Variants in KCNAB1 observed in about 807,000 individuals in gnomAD.
The protein encoded by KCNAB1 is voltage-gated potassium channel subunit beta-1.
In KCNAB1, 35 loss-of-function variants were observed where a neutral mutation model predicts 64.6. The observed-to-expected ratio is 0.54, with a 90% confidence interval of 0.41 to 0.72. KCNAB1 has a LOEUF of 0.72. KCNAB1 is among the 30% of genes least tolerant of loss of function. KCNAB1 has a pLI of 0.00. For missense variants in KCNAB1, 401 were observed against 512.9 expected (o/e 0.78, Z 2.11); for synonymous variants, 177 against 183.8 (o/e 0.96, Z 0.30).
At position 156,524,746 on chromosome 3, in the gene KCNAB1, C is replaced by CAAAAA. The variant is rs10553136; in HGVS notation, c.1081+825_1081+829dup. 9.7e-4 allele frequency among the ~76,000 whole-genome samples: 72 copies of CAAAAA among 74,458 alleles called. 1 individual carries two copies. Among genetic ancestry groups the CAAAAA allele is most frequent in the Non-Finnish European group, 1.2e-3 (54 of 44,206 alleles). 48.8% of individuals were successfully genotyped at this position (74,458 alleles called of 152,430 possible). On this transcript the variant is annotated intron_variant, in intron 12 of 13. Transcript: ENST00000490337. The stretch of plus-strand genomic sequence containing the variant: ...TGCGTGACAGAGCAAGACTCCATCT[C>CAAAAA]AAAAAAAAAAAAAAAAAAAAAAAAA...
chr3:156,430,052 C>A (rs572448366), intron 2 of KCNAB1, among the ~76,000 whole-genome samples: 6 of 152,324 alleles, frequency 3.9e-5, no homozygotes, highest in African/African-American at 1.2e-4. Context: ...TAGTTTCCTA[C>A]TTTTATGGAT....
intron 12 of KCNAB1, 36 bp downstream of exon 12, chr3:156,523,983 A>T (rs771820427): frequency 6.3e-7 from 1 of 1,595,536 alleles, no homozygotes; most frequent in South Asian, 1.1e-5. Context: ...TGGTAGAGGG[A>T]CTTCTGCTGA....
chr3:156,144,386 C>T (rs1238973071), intron 1 of KCNAB1, among the ~76,000 whole-genome samples: 1 of 152,184 alleles, frequency 6.6e-6, no homozygotes. Context: ...TAATTATATT[C>T]ATAAAGCAAT....
intron 1 of KCNAB1, among the ~76,000 whole-genome samples, chr3:156,157,056 AAGAG>A (rs1290096844): frequency 1.3e-5 from 2 of 152,182 alleles, no homozygotes; most frequent in African/African-American, 2.4e-5. Context: ...GATCAAACAA[AAGAG>A]AGAAAGATCA....
intron 1 of KCNAB1, among the ~76,000 whole-genome samples, chr3:156,148,503 T>C (rs1049583226): frequency 6.6e-6 from 1 of 152,240 alleles, no homozygotes; most frequent in African/African-American, 2.4e-5. Context: ...CCATCTTTTC[T>C]CCTGTATCTT....
intron 4 of KCNAB1, among the ~76,000 whole-genome samples, chr3:156,457,801 T>C (rs957710440): frequency 6.6e-6 from 1 of 152,174 alleles, no homozygotes; most frequent in Non-Finnish European, 1.5e-5. Flanking sequence ...GCCATGTCTA[T>C]GTGAGGGGCA....
intron 1 of KCNAB1, among the ~76,000 whole-genome samples, chr3:156,290,192 A>G (rs2107965982): frequency 6.6e-6 from 1 of 152,330 alleles, no homozygotes; most frequent in East Asian, 1.9e-4. Flanking sequence ...ATGCCTTCCA[A>G]CATTGTTAGT....
intron 1 of KCNAB1, among the ~76,000 whole-genome samples, chr3:156,159,076 C>G (rs34707206): frequency 0.058 from 8,853 of 151,442 alleles, 377 homozygotes; most frequent in Middle Eastern, 0.1. Context: ...TGTCCGCCCC[C>G]CCCTGTAATA....
rs138692885 is a variant in KCNAB1 at position 156,416,215 on chromosome 3, T to A, written c.276-5401T>A. On this transcript the variant is annotated intron_variant, in intron 1 of 13. Coordinates refer to ENST00000490337, the MANE Select transcript of KCNAB1 (RefSeq NM_172160.3). ...TCTTCTTACCTTCCTTCAACCCATT[T>A]TCCCTGCTAACATCTTCCATTACTC... 8.7e-4 allele frequency among the ~76,000 whole-genome samples: 132 copies of A among 152,332 alleles called. 2 individuals are homozygous for A. The highest frequency in any genetic ancestry group is 6.8e-3 in the Middle Eastern group (2 of 294).
chr3:156,487,782 TAAAC>T (rs1388665246), intron 8 of KCNAB1, among the ~76,000 whole-genome samples: 1 of 152,100 alleles, frequency 6.6e-6, no homozygotes, highest in Non-Finnish European at 1.5e-5. Flanking sequence ...GTTTGGTAAT[TAAAC>T]AAACCCAATA....
chr3:156,243,978 C>A (rs1434804978), intron 1 of KCNAB1, among the ~76,000 whole-genome samples: 1 of 152,204 alleles, frequency 6.6e-6, no homozygotes, highest in Non-Finnish European at 1.5e-5. Flanking sequence ...CCTGCCATAA[C>A]CTCCTCACCC....
chr3:156,290,098 A>G (rs1012792574), intron 1 of KCNAB1, among the ~76,000 whole-genome samples: 1 of 152,152 alleles, frequency 6.6e-6, no homozygotes, highest in Non-Finnish European at 1.5e-5. Context: ...AAGTGTGGGG[A>G]ATGAATCAAA....
chr3:156,324,164 A>G (rs1270343835), intron 1 of KCNAB1, among the ~76,000 whole-genome samples: 1 of 152,188 alleles, frequency 6.6e-6, no homozygotes, highest in Non-Finnish European at 1.5e-5. Flanking sequence ...ATTAATAGAA[A>G]AATTGAAACC....
intron 1 of KCNAB1, among the ~76,000 whole-genome samples, chr3:156,172,635 T>A (rs181285264): frequency 6.6e-6 from 1 of 152,280 alleles, no homozygotes; most frequent in Non-Finnish European, 1.5e-5. Context: ...GGTTACTTAT[T>A]CCCAGGTCAG....
chr3:156,458,677 T>G (rs537170856), intron 4 of KCNAB1, among the ~76,000 whole-genome samples: 1 of 152,330 alleles, frequency 6.6e-6, no homozygotes, highest in Admixed American at 6.5e-5. Flanking sequence ...GTCTTGCTCC[T>G]TTCTGCCTTC....
chr3:156,529,183 G>C (rs1171180549), intron 12 of KCNAB1, among the ~76,000 whole-genome samples: 1 of 152,174 alleles, frequency 6.6e-6, no homozygotes, highest in African/African-American at 2.4e-5. Context: ...CGGGTACATA[G>C]TGCAACACGG....
chr3:156,537,032 G>T lies in KCNAB1; in HGVS notation c.*285G>T, dbSNP rs986016868. The T allele has an allele frequency of 1.3e-5, 6 of 467,514 alleles. No homozygotes were observed. Among genetic ancestry groups the T allele is most frequent in the Non-Finnish European group, 2.2e-5 (6 of 266,974 alleles). The allele number at this position is 467,514 out of a possible 1,614,324, so 29.0% of individuals were successfully genotyped here. On this transcript the variant is annotated 3_prime_UTR_variant, in exon 14 of 14. Coordinates refer to ENST00000490337, the MANE Select transcript of KCNAB1 (RefSeq NM_172160.3). The stretch of plus-strand genomic sequence containing the variant: ...GCAATGGGAAGAATATGGGGGCCAG[G>T]GGGTGTGGTACTACCTTCAGGCATT...
chr3:156,449,585 G>A (rs1304389304), intron 2 of KCNAB1, among the ~76,000 whole-genome samples: 1 of 152,120 alleles, frequency 6.6e-6, no homozygotes, highest in Non-Finnish European at 1.5e-5. Context: ...CCCAACATAG[G>A]TGCTATCAAA....
At chr3:156,247,700 C>G (rs1426712815) in intron 1 of KCNAB1, among the ~76,000 whole-genome samples, 1 of 152,094 alleles carries the variant, frequency 6.6e-6, no homozygotes, top group Non-Finnish European at 1.5e-5. Flanking sequence ...ATAGCTAGGA[C>G]TACAGGCATG....
Sources: allele counts gnomAD v4.1 joint callset (sites outside exome capture counted in the v4.1 genomes callset), GRCh38; gene constraint gnomAD v4.1.1; transcripts MANE v1.5; gene names NCBI Gene and HGNC (gene_info 2026-07-23, HGNC 2026-07-21).